Variants in MORN1 observed in about 807,000 individuals in gnomAD.
MORN1 encodes the protein MORN repeat containing 1.
A neutral mutation model predicts 61.9 loss-of-function variants in MORN1; 67 were observed. That is an observed-to-expected ratio of 1.08 (90% CI 0.89 to 1.33). The LOEUF is 1.33. Ranked by LOEUF, MORN1 falls within the 40% of genes most tolerant of loss-of-function variation. The pLI, the probability that MORN1 is intolerant of heterozygous loss-of-function variation, is 0.00. For synonymous variants in MORN1, 301 were observed against 292.0 expected (o/e 1.03, Z -0.31); for missense variants, 752 against 691.2 (o/e 1.09, Z -0.99).
intron 10 of MORN1, among the ~76,000 whole-genome samples, chr1:2,349,337 C>G (rs1016811748): frequency 1.3e-5 from 2 of 152,158 alleles, no homozygotes; most frequent in Non-Finnish European, 2.9e-5. Flanking sequence ...ACCCGCCTGC[C>G]GACCAAAGAG....
chr1:2,385,230 G>A (rs926694765), intron 5 of MORN1, 165 bp from the exon 6 acceptor site: 25 of 677,986 alleles, frequency 3.7e-5, no homozygotes, highest in Middle Eastern at 4.1e-4. Context: ...GGCCAGCTGG[G>A]GGCCGACGAC....
Position 2,358,630 on chromosome 1 carries a change from C to T in MORN1, c.831G>A (p.Val277=). Residue 277 remains valine (V), a synonymous_variant, in exon 9 of 14, where the codon GTG becomes GTA. Transcript: ENST00000378531. ...TGAGTGTCTCTTGGTTGTCTCTGTC[C>T]ACTTTGAAAAAGTTGACCTCAGAGT... The part of the protein sequence containing the change: ...SAYSEVNFFK[V]DRDNQETLIQ... The T allele has an allele frequency of 6.2e-7, 1 of 1,614,124 alleles. No individual in the cohort carries two copies. The highest frequency in any genetic ancestry group is 8.5e-7 in the Non-Finnish European group (1 of 1,179,994).
chr1:2,362,089 G>A (rs1030579998), intron 8 of MORN1, among the ~76,000 whole-genome samples: 9 of 152,092 alleles, frequency 5.9e-5, no homozygotes, highest in East Asian at 1.9e-4. Flanking sequence ...AATATCAGCC[G>A]GGCGTGGTGG....
chr1:2,359,085 C>G (rs1489164531), intron 8 of MORN1, among the ~76,000 whole-genome samples: 1 of 152,206 alleles, frequency 6.6e-6, no homozygotes, highest in Non-Finnish European at 1.5e-5. Context: ...CATCTCCTTG[C>G]TGACCAGCCT....
intron 6 of MORN1, among the ~76,000 whole-genome samples, 192 bp downstream of exon 6, chr1:2,384,786 C>T (rs944878830): frequency 2.6e-5 from 4 of 152,236 alleles, no homozygotes; most frequent in African/African-American, 9.6e-5. Flanking sequence ...TGAATACACT[C>T]CTGTTTTTCT....
chr1:2,351,871 C>T (rs1641656002), intron 10 of MORN1: 1 of 505,352 alleles, frequency 2.0e-6, no homozygotes, highest in South Asian at 1.7e-5. Flanking sequence ...ACTGCCGTTC[C>T]CCCAGATCCA....
At chr1:2,325,407 G>A (rs573423857) in intron 12 of MORN1, among the ~76,000 whole-genome samples, 2 of 149,974 alleles carry the variant, frequency 1.3e-5, no homozygotes, top group African/African-American at 2.5e-5. Context: ...TCCTGGGCTC[G>A]AGCAAGCAAT....
At chr1:2,341,892 C>T (rs1052305559) in intron 10 of MORN1, among the ~76,000 whole-genome samples, 12 of 152,178 alleles carry the variant, frequency 7.9e-5, no homozygotes, top group African/African-American at 2.4e-4. Flanking sequence ...CAGGGAGACA[C>T]ATTCTGTGAT....
rs1410852173 is a variant in MORN1, at chr1:2,336,469, C to G, written c.1250G>C (p.Arg417Thr). ...TGCAGGTGGGGTGGGCTCATCCTAC[C>G]TGCTGCCTCCAGGAGGCTCCTGTGC... is the stretch of plus-strand genomic sequence containing the variant. ...PTAQEPPGGS[R>T]PEGRATEEQA... The change falls in exon 12 of 14, where the codon AGG becomes ACG. Residue 417 changes from arginine (R) to threonine (T), a missense_variant and splice_region_variant. Coordinates refer to ENST00000378531, the MANE Select transcript of MORN1 (RefSeq NM_024848.3). 1 of 1,611,210 alleles carries G rather than the reference C, an allele frequency of 6.2e-7. No individual in the cohort carries two copies. Among genetic ancestry groups the G allele is most frequent in the Non-Finnish European group, 8.5e-7 (1 of 1,179,060 alleles).
At position 2,321,516 on chromosome 1, in the gene MORN1, G is replaced by A. The variant is rs998827248; in HGVS notation, c.1361C>T (p.Pro454Leu). Residue 454 changes from proline to leucine, a missense_variant, in exon 14 of 14, where the codon CCG (proline) becomes CTG (leucine). Transcript: ENST00000378531. ...TACGACCCGCAGGTGTTTGAAGGCC[G>A]GGGGCAGCCTGCGCCCCAGGAACGG... is the stretch of plus-strand genomic sequence containing the variant. The part of the protein sequence containing the change: ...TPPFLGRRLP[P>L]AFKHLRVVAK... The A allele has an allele frequency of 2.0e-5, 30 of 1,532,254 alleles. No homozygotes were observed. Among genetic ancestry groups the A allele is most frequent in the African/African-American group, 5.5e-5 (4 of 72,492 alleles). 94.9% of individuals were successfully genotyped at this position (1,532,254 alleles called of 1,614,324 possible). A position where few individuals can be genotyped will look rare whatever the true frequency, so the allele number is the denominator to read the frequency against.
At chr1:2,380,643 C>G (rs1397215076) in intron 6 of MORN1, among the ~76,000 whole-genome samples, 14 of 152,108 alleles carry the variant, frequency 9.2e-5, no homozygotes, top group Non-Finnish European at 1.5e-5. Context: ...CTCCCAGGTT[C>G]AAGCGATCCT....
At chr1:2,324,005 G>GTTC in intron 13 of MORN1, 92 bp downstream of exon 13, 1 of 1,480,970 alleles carries the variant, frequency 6.8e-7, no homozygotes, top group Non-Finnish European at 9.0e-7. Context: ...CCCGGGCCGA[G>GTTC]TTCCCCCAAC....
intron 6 of MORN1, among the ~76,000 whole-genome samples, chr1:2,384,648 C>T (rs1021475917): frequency 6.6e-6 from 1 of 152,222 alleles, no homozygotes; most frequent in Non-Finnish European, 1.5e-5. Context: ...GTCTTATCCC[C>T]GTGACTGGCC....
intron 13 of MORN1, chr1:2,323,088 TAG>T (rs1424399782): frequency 9.1e-6 from 9 of 985,394 alleles, no homozygotes; most frequent in Admixed American, 6.1e-5. Flanking sequence ...TGCCAGCGCC[TAG>T]CCGATTCCTG....
chr1:2,347,855 A>G (rs1641548998), intron 10 of MORN1, among the ~76,000 whole-genome samples: 2 of 152,188 alleles, frequency 1.3e-5, no homozygotes, highest in Non-Finnish European at 1.5e-5. Context: ...ATTTACAGAA[A>G]AGTCACAGGT....
At chr1:2,351,669 T>G (rs1445645480) in intron 10 of MORN1, 3 of 401,398 alleles carry the variant, frequency 7.5e-6, no homozygotes, top group African/African-American at 2.1e-5. Flanking sequence ...CGAAACCCGC[T>G]TTTCTTCACG....
chr1:2,368,576 C>G (rs1642044268), intron 8 of MORN1, among the ~76,000 whole-genome samples: 1 of 152,134 alleles, frequency 6.6e-6, no homozygotes, highest in Admixed American at 6.6e-5. Flanking sequence ...TTTATCTAGT[C>G]CTCAATTTGG....
chr1:2,365,331 T>C (rs1180596700), intron 8 of MORN1, among the ~76,000 whole-genome samples: 3 of 145,760 alleles, frequency 2.1e-5, no homozygotes, highest in African/African-American at 7.5e-5. Context: ...CAATTGTGAA[T>C]GGGAGTTCAC....
At position 2,336,453 on chromosome 1, in the gene MORN1, G is replaced by T; in HGVS notation, c.1250+16C>A. 1 of 1,608,884 alleles carries T rather than the reference G, an allele frequency of 6.2e-7. No individual in the cohort carries two copies. The highest frequency in any genetic ancestry group is 2.2e-5 in the East Asian group (1 of 44,812). ...TGACCCTCCGAACACCTGCAGGTGG[G>T]GTGGGCTCATCCTACCTGCTGCCTC... On this transcript the variant is annotated intron_variant, in intron 12 of 13. Coordinates refer to ENST00000378531, the MANE Select transcript of MORN1 (RefSeq NM_024848.3).
Sources: allele counts gnomAD v4.1 joint callset (sites outside exome capture counted in the v4.1 genomes callset), GRCh38; gene constraint gnomAD v4.1.1; transcripts MANE v1.5; gene names NCBI Gene and HGNC (gene_info 2026-07-23, HGNC 2026-07-21).